PTRH1: variants seen among roughly 807,000 people sequenced by gnomAD.
The protein encoded by PTRH1 is peptidyl-tRNA hydrolase 1 homolog.
In PTRH1, 13 loss-of-function variants were observed where a neutral mutation model predicts 15.7. The ratio of observed to expected loss-of-function variants is 0.83; its 90% CI spans 0.54 to 1.31. The LOEUF (loss-of-function observed/expected upper bound fraction) is 1.31. Ranked by LOEUF, PTRH1 falls within the 40% of genes most tolerant of loss-of-function variation. The pLI, the probability that PTRH1 is intolerant of heterozygous loss-of-function variation, is 0.00. For synonymous variants in PTRH1, 139 were observed against 136.7 expected, an observed-to-expected ratio of 1.02 and a Z score of -0.12; for missense variants, 319 against 296.2, an observed-to-expected ratio of 1.08 and a Z score of -0.56.
chr9:127,713,571 A>G (rs1842821055), downstream of PTRH1: 1 of 364,752 alleles, frequency 2.7e-6, no homozygotes, highest in Non-Finnish European at 4.9e-6. Flanking sequence ...CAGTGCCACA[A>G]TCTCAGCTCA....
At chr9:127,711,989 G>C (rs1451478687), downstream of PTRH1, 1 of 1,579,970 alleles carries the variant, frequency 6.3e-7, no homozygotes, top group African/African-American at 1.3e-5. Context: ...GCGGGTGCAG[G>C]CTGGGGCCAA....
downstream of PTRH1, chr9:127,711,115 A>C: frequency 2.7e-5 from 34 of 1,265,420 alleles, no homozygotes; most frequent in South Asian, 3.0e-5. Context: ...CCTCCCAGGG[A>C]GAGAGCATGC....
intron 1 of PTRH1, among the ~76,000 whole-genome samples, chr9:127,706,303 G>T (rs1326727940): frequency 2.0e-5 from 3 of 151,854 alleles, no homozygotes; most frequent in African/African-American, 4.8e-5. Context: ...CTGCCCCAAG[G>T]GTCCTACAAC....
chr9:127,711,589 TC>T, downstream of PTRH1: 1 of 1,486,306 alleles, frequency 6.7e-7, no homozygotes, highest in Non-Finnish European at 9.1e-7. Flanking sequence ...GGCAGTCAAG[TC>T]AGGAGGGAGG....
Position 127,715,610 on chromosome 9 carries a change from T to G in PTRH1, c.30A>C (p.Gly10=). The change falls in exon 1 of 5, where the codon GGA becomes GGC. Residue 10 remains glycine, a synonymous_variant. Transcript: ENST00000543175. This position sits in a 1 kb window ranked among gnomAD's most constrained non-coding sequence, Gnocchi z 5.8. Reference sequence around the variant, plus strand: ...GGCTCATGGCTCTACTCAGCCGCTGTCCGGCGCCCAAAAAGCCGCCCGGCC... The same window carrying G: ...GGCTCATGGCTCTACTCAGCCGCTGGCCGGCGCCCAAAAAGCCGCCCGGCC... MRPGGFLGA[G]QRLSRAMSRC... is the part of the protein sequence containing the mutation. 6.2e-7 allele frequency: 1 copy of G among 1,612,944 alleles called. No homozygotes were observed. The highest frequency in any genetic ancestry group is 8.5e-7 in the Non-Finnish European group (1 of 1,179,976).
chr9:127,713,336 A>C (rs1411874720), downstream of PTRH1: 3 of 717,628 alleles, frequency 4.2e-6, no homozygotes, highest in East Asian at 8.8e-5. Flanking sequence ...CCCATCTGTA[A>C]AATGGGCTGA....
At chr9:127,709,011 C>T (rs1250440058), downstream of PTRH1, among the ~76,000 whole-genome samples, 1 of 152,204 alleles carries the variant, frequency 6.6e-6, no homozygotes, top group Non-Finnish European at 1.5e-5. The surrounding 1 kb of genome is among the most constrained non-coding windows in gnomAD (Gnocchi z 4.7). Flanking sequence ...CTTACAAACT[C>T]AGAGTTCCTT....
downstream of PTRH1, among the ~76,000 whole-genome samples, chr9:127,710,325 G>A (rs935373330): frequency 5.9e-5 from 9 of 151,738 alleles, no homozygotes; most frequent in East Asian, 1.9e-4. Context: ...CATTACTGTC[G>A]CTTTCATGAG....
intron 1 of PTRH1, among the ~76,000 whole-genome samples, chr9:127,703,117 G>A (rs536105355): frequency 6.6e-6 from 1 of 151,884 alleles, no homozygotes; most frequent in Admixed American, 6.6e-5. Context: ...TCAGCAAATC[G>A]GGACACTCAT....
chr9:127,713,119 G>C, downstream of PTRH1: 1 of 1,612,950 alleles, frequency 6.2e-7, no homozygotes, highest in Non-Finnish European at 8.5e-7. Flanking sequence ...TACCTCGCCA[G>C]GTCCACATCC....
intron 1 of PTRH1, among the ~76,000 whole-genome samples, chr9:127,708,423 G>A (rs2131584400): frequency 6.6e-6 from 1 of 152,268 alleles, no homozygotes; most frequent in South Asian, 2.1e-4. Context: ...GTTGCAGAGA[G>A]CCGAGATCGT....
chr9:127,712,509 C>G, downstream of PTRH1: 1 of 1,463,860 alleles, frequency 6.8e-7, no homozygotes, highest in Non-Finnish European at 9.1e-7. Context: ...TTCAAAGATC[C>G]CTCCAAGGTC....
At chr9:127,694,156 TCCTAGGCTCAAGCGATTGGCCTGCCTCAG>T (rs1328897151) in intron 2 of PTRH1, among the ~76,000 whole-genome samples, 1 of 152,024 alleles carries the variant, frequency 6.6e-6, no homozygotes, top group Non-Finnish European at 1.5e-5. Context: ...GGTCTTGAAC[TCCTAGGCTCAAGCGATTGGCCTGCCTCAG>T]CCTCCCAAAC....
At chr9:127,710,549 C>G, downstream of PTRH1, 1 of 1,550,838 alleles carries the variant, frequency 6.4e-7, no homozygotes, top group Non-Finnish European at 8.7e-7. Context: ...CCTCGCCAGG[C>G]CCTGTCCTCT....
In PTRH1 at chr9:127,715,490, C is replaced by T; in HGVS notation, c.96+54G>A. On this transcript the variant is annotated intron_variant, in intron 1 of 4. Coordinates refer to ENST00000543175, the MANE Select transcript of PTRH1 (RefSeq NM_001002913.3). This position sits in a 1 kb window ranked among gnomAD's most constrained non-coding sequence, Gnocchi z 5.8. ...GCACTCGGCTCCCGGGACATAATGG[C>T]CGAACTGAAGCTAGGGACCGGGAGC... is the stretch of plus-strand genomic sequence containing the variant. 1 of 1,611,518 alleles carries T rather than the reference C, an allele frequency of 6.2e-7. No individual in the cohort carries two copies. The highest frequency in any genetic ancestry group is 8.5e-7 in the Non-Finnish European group (1 of 1,179,192).
chr9:127,711,729 G>A (rs947134437), downstream of PTRH1: 118 of 1,417,608 alleles, frequency 8.3e-5, 2 homozygotes, highest in Middle Eastern at 9.1e-4. Flanking sequence ...CTCACTGGCC[G>A]CTCTGCATAG....
At chr9:127,707,040 CAA>C (rs1317712604) in intron 1 of PTRH1, 1 of 1,613,744 alleles carries the variant, frequency 6.2e-7, no homozygotes, top group South Asian at 1.1e-5. Flanking sequence ...CCATGGCTCC[CAA>C]AAAGAGTGTG....
In PTRH1 at chr9:127,705,914, C is replaced by T. The variant is rs531193717; in HGVS notation, c.205+9521G>A. Among the ~76,000 whole-genome samples the T allele has an allele frequency of 7.9e-5, 12 of 152,354 alleles. No individual in the cohort carries two copies. The South Asian group carries it at 2.3e-3, about 29-fold the overall frequency. Reference sequence around the variant, plus strand: ...TGCCCTCCCAGGGCTGCCCTGCCTGCAGGGAACAGGCACCCTGGGAAGGGC... The same window carrying T: ...TGCCCTCCCAGGGCTGCCCTGCCTGTAGGGAACAGGCACCCTGGGAAGGGC... On this transcript the variant is annotated intron_variant, in intron 1 of 2. Transcript: ENST00000335223. This position sits in a 1 kb window ranked among gnomAD's most constrained non-coding sequence, Gnocchi z 4.7.
At chr9:127,709,093 G>GGTT (rs1360871982), downstream of PTRH1, among the ~76,000 whole-genome samples, 1 of 152,298 alleles carries the variant, frequency 6.6e-6, no homozygotes, top group Admixed American at 6.5e-5. The surrounding 1 kb of genome is among the most constrained non-coding windows in gnomAD (Gnocchi z 4.7). Context: ...CATTCTTATA[G>GGTT]GTTGTTGTAA....
Sources: allele counts gnomAD v4.1 joint callset (sites outside exome capture counted in the v4.1 genomes callset), GRCh38; gene constraint gnomAD v4.1.1; non-coding constraint Gnocchi (gnomAD v3.1); transcripts MANE v1.5; gene names NCBI Gene and HGNC (gene_info 2026-07-23, HGNC 2026-07-21).